Variants in WDFY2 observed in about 807,000 individuals in gnomAD.
WDFY2 encodes WD repeat and FYVE domain containing 2.
Under a neutral mutation model 56.4 loss-of-function variants are expected in WDFY2, and 36 were observed. The observed-to-expected ratio is 0.64, with a 90% CI of 0.49 to 0.84. The LOEUF (loss-of-function observed/expected upper bound fraction) is 0.84. WDFY2 is among the 40% of genes least tolerant of loss of function. The pLI is 0.00. For synonymous variants in WDFY2, 176 were observed against 183.7 expected (o/e 0.96, Z 0.34); for missense variants, 444 against 512.2 (o/e 0.87, Z 1.29).
At chr13:51,598,040 C>G (rs1954185444) in intron 1 of WDFY2, among the ~76,000 whole-genome samples, 1 of 152,150 alleles carries the variant, frequency 6.6e-6, no homozygotes, top group Admixed American at 6.5e-5. Context: ...TCTGCTTCAG[C>G]TGTGTTAAAC....
At position 51,686,164 on chromosome 13, in the gene WDFY2, A is replaced by G. The variant is rs114788812; in HGVS notation, c.279+10921A>G. Among the ~76,000 whole-genome samples the G allele has an allele frequency of 9.2e-3, 1,395 of 152,274 alleles. 18 individuals are homozygous for G. The highest frequency in any genetic ancestry group is 0.032 in the African/African-American group (1,318 of 41,544). ...GGGTTGAGGTATGAACTTTGCTCCC[A>G]TAAAGGTCTGTATCTGTATCCCAGG... is the stretch of plus-strand genomic sequence containing the variant. On this transcript the variant is annotated intron_variant, in intron 3 of 11. Coordinates refer to ENST00000298125, the MANE Select transcript of WDFY2 (RefSeq NM_052950.4).
chr13:51,645,142 T>C (rs1593924920), intron 1 of WDFY2, among the ~76,000 whole-genome samples: 1 of 151,974 alleles, frequency 6.6e-6, no homozygotes, highest in African/African-American at 2.4e-5. Flanking sequence ...TTTTTTTTTC[T>C]TTTTTTTCTC....
chr13:51,634,547 C>T (rs530962853), intron 1 of WDFY2, among the ~76,000 whole-genome samples: 11 of 152,246 alleles, frequency 7.2e-5, no homozygotes, highest in African/African-American at 1.9e-4. Flanking sequence ...CAATGGCTCA[C>T]GCCTGTAATC....
In WDFY2 at chr13:51,764,801, A is replaced by AGAC; in HGVS notation, c.*5033_*5035dup. The AGAC allele has an allele frequency of 6.6e-6, 1 of 152,420 alleles. No individual in the cohort carries two copies. The highest frequency in any genetic ancestry group is 3.4e-3 in the Middle Eastern group (1 of 296). 9.4% of individuals were successfully genotyped at this position (152,420 alleles called of 1,614,324 possible). On this transcript the variant is annotated 3_prime_UTR_variant, in exon 12 of 12. Transcript: ENST00000298125. The stretch of plus-strand genomic sequence containing the variant: ...ACTGGAGTCTGAGAGGAGGAGGTGG[A>AGAC]GACTATCAGTGCACGGCCCGCAACC...
At chr13:51,615,458 A>G (rs1247860521) in intron 1 of WDFY2, among the ~76,000 whole-genome samples, 1 of 152,194 alleles carries the variant, frequency 6.6e-6, no homozygotes, top group African/African-American at 2.4e-5. Flanking sequence ...ATATATTTTG[A>G]TAGTACTGTT....
chr13:51,673,195 A>G (rs1047039406), intron 2 of WDFY2, among the ~76,000 whole-genome samples: 1 of 152,256 alleles, frequency 6.6e-6, no homozygotes, highest in Non-Finnish European at 1.5e-5. Flanking sequence ...GGGAATGGCA[A>G]TGAAGATTTA....
At chr13:51,679,148 A>G (rs1463954703) in intron 3 of WDFY2, among the ~76,000 whole-genome samples, 5 of 152,196 alleles carry the variant, frequency 3.3e-5, no homozygotes, top group African/African-American at 4.8e-5. Flanking sequence ...GGATCGTAAC[A>G]TGGAAGATTC....
intron 6 of WDFY2, among the ~76,000 whole-genome samples, chr13:51,728,660 G>T (rs1333561352): frequency 6.6e-6 from 1 of 152,056 alleles, no homozygotes; most frequent in East Asian, 1.9e-4. Context: ...GGGAAAAAAT[G>T]GAATGCTAGA....
chr13:51,724,341 G>A (rs759216085), intron 5 of WDFY2, among the ~76,000 whole-genome samples: 1 of 148,604 alleles, frequency 6.7e-6, no homozygotes, highest in Non-Finnish European at 1.5e-5. Flanking sequence ...GGATTCAAGC[G>A]ATTCTCCTGC....
chr13:51,712,156 A>G (rs1207911066), intron 4 of WDFY2, among the ~76,000 whole-genome samples: 1 of 152,230 alleles, frequency 6.6e-6, no homozygotes, highest in African/African-American at 2.4e-5. Flanking sequence ...AGGGACATGG[A>G]TGAAGCTGGA....
chr13:51,688,052 T>C (rs559634750), intron 3 of WDFY2, among the ~76,000 whole-genome samples: 1 of 152,254 alleles, frequency 6.6e-6, no homozygotes, highest in African/African-American at 2.4e-5. Flanking sequence ...AAGGATCTGA[T>C]GACTAAATGT....
chr13:51,675,108 C>A, intron 2 of WDFY2, 62 bp from the exon 3 acceptor site: 1 of 1,490,908 alleles, frequency 6.7e-7, no homozygotes, highest in Non-Finnish European at 9.4e-7. Context: ...GCTAGTTAGG[C>A]ACTCCTGAGT....
At chr13:51,592,424 A>C (rs1013345649) in intron 1 of WDFY2, 1 of 151,962 alleles carries the variant, frequency 6.6e-6, no homozygotes, top group African/African-American at 2.4e-5. Context: ...AAAATACAAA[A>C]ATTAGCTGGG....
At position 51,703,620 on chromosome 13, in the gene WDFY2, A is replaced by G; in HGVS notation, c.304A>G (p.Asn102Asp). The G allele has an allele frequency of 6.2e-7, 1 of 1,609,844 alleles. No homozygotes were observed. The highest frequency in any genetic ancestry group is 8.5e-7 in the Non-Finnish European group (1 of 1,177,860). The change falls in exon 4 of 12, where the codon AAC becomes GAC. Residue 102 changes from asparagine (N) to aspartate (D), a missense_variant. Transcript: ENST00000298125. ...GGAGTTTATATTGTCAGAAGATTAT[A>G]ACAAGATGACTCCTGTGAAAAACTA... ...ISEFILSEDY[N>D]KMTPVKNYQA... is the part of the protein sequence containing the mutation.
intron 4 of WDFY2, among the ~76,000 whole-genome samples, chr13:51,709,603 A>G (rs1952163798): frequency 6.6e-6 from 1 of 152,206 alleles, no homozygotes; most frequent in Admixed American, 6.5e-5. Context: ...TAAAGGGGAT[A>G]TCACCACCGA....
intron 1 of WDFY2, among the ~76,000 whole-genome samples, chr13:51,602,085 G>A (rs1345905269): frequency 6.6e-6 from 1 of 152,202 alleles, no homozygotes; most frequent in Non-Finnish European, 1.5e-5. Flanking sequence ...TTGGAACAGG[G>A]TCTTTGAGGA....
intron 1 of WDFY2, chr13:51,586,726 T>C (rs1332794306): frequency 2.0e-5 from 3 of 152,228 alleles, no homozygotes; most frequent in Non-Finnish European, 2.9e-5. Flanking sequence ...AATGTTCAGC[T>C]ATGTCTTAGC....
intron 7 of WDFY2, among the ~76,000 whole-genome samples, chr13:51,744,001 C>T (rs570218825): frequency 6.6e-6 from 1 of 152,224 alleles, no homozygotes; most frequent in African/African-American, 2.4e-5. Context: ...CCAGTGCCCC[C>T]AGACGGGGGT....
rs2138364348 is a variant in WDFY2, at chr13:51,624,231, C to G, written c.138-36365C>G. 2.0e-5 allele frequency among the ~76,000 whole-genome samples: 3 copies of G among 152,308 alleles called. 1 individual carries two copies. The Middle Eastern group carries it at 0.01, about 518-fold the overall frequency. ...GAGTTCAGATTTGATTCAATGTATT[C>G]TAACCCTATGTCTCAGGTCTTAACT... is the stretch of plus-strand genomic sequence containing the variant. On this transcript the variant is annotated intron_variant, in intron 1 of 11. Coordinates refer to ENST00000298125, the MANE Select transcript of WDFY2 (RefSeq NM_052950.4).
Sources: gnomAD v4.1 joint callset for allele counts (sites outside exome capture counted in the v4.1 genomes callset) on GRCh38, gnomAD v4.1.1 for gene constraint, MANE v1.5 for transcripts, NCBI Gene and HGNC (gene_info 2026-07-23, HGNC 2026-07-21) for gene names.